MAP4K3: variants seen among roughly 807,000 people sequenced by gnomAD.
The protein encoded by MAP4K3 is mitogen-activated protein kinase kinase kinase kinase 3, also known as MAPK/ERK kinase kinase kinase 3.
MAP4K3 carries 94 observed loss-of-function variants against 143.5 expected under a neutral mutation model. That is an observed-to-expected ratio of 0.65 (90% confidence interval 0.55 to 0.78). The LOEUF is 0.78. MAP4K3 is among the 30% of genes least tolerant of loss of function. The pLI, the probability that MAP4K3 is intolerant of heterozygous loss-of-function variation, is 0.00. For missense variants in MAP4K3, 1,077 were observed against 1,068.1 expected (o/e 1.01, Z -0.12); for synonymous variants, 416 against 347.2 (o/e 1.20, Z -2.20).
intron 3 of MAP4K3, among the ~76,000 whole-genome samples, chr2:39,348,451 A>G (rs1018823572): frequency 2.6e-5 from 4 of 152,310 alleles, no homozygotes; most frequent in Admixed American, 1.3e-4. Context: ...CAAAAGCTTG[A>G]GTAGTCATAG....
chr2:39,303,466 T>C (rs1682585351), intron 15 of MAP4K3, among the ~76,000 whole-genome samples: 1 of 152,116 alleles, frequency 6.6e-6, no homozygotes, highest in Admixed American at 6.5e-5. Context: ...AGGCATACTA[T>C]ATACTTCTTC....
At position 39,293,243 on chromosome 2, in the gene MAP4K3, C is replaced by T; in HGVS notation, c.1204G>A (p.Glu402Lys). 1 of 1,550,040 alleles carries T rather than the reference C, an allele frequency of 6.5e-7. No individual in the cohort carries two copies. Among genetic ancestry groups the T allele is most frequent in the Non-Finnish European group, 8.7e-7 (1 of 1,144,674 alleles). ...NKSLLKSVEE[E>K]LHQRGHVAHL... ...AATTAAAATTACCGCTGATGCAATT[C>T]TTCTTCAACAGACTTGAGAAGACTC... The change falls in exon 17 of 34, where the codon GAA becomes AAA. Residue 402 changes from glutamate (E) to lysine (K), a missense_variant. Physicochemically the swap from Glu to Lys is moderately conservative, Grantham distance 56. This residue lies in a region of MAP4K3 where 864 missense variants were observed against 801.2 expected (regional missense o/e 1.08). Coordinates refer to ENST00000263881, the MANE Select transcript of MAP4K3 (RefSeq NM_003618.4).
At chr2:39,340,079 A>C (rs1241974096) in intron 4 of MAP4K3, among the ~76,000 whole-genome samples, 1 of 152,202 alleles carries the variant, frequency 6.6e-6, no homozygotes, top group African/African-American at 2.4e-5. Context: ...AGTTCTTCAA[A>C]GTAAAAGTAA....
At chr2:39,358,509 G>A (rs942281476) in intron 2 of MAP4K3, among the ~76,000 whole-genome samples, 1 of 152,016 alleles carries the variant, frequency 6.6e-6, no homozygotes, top group South Asian at 2.1e-4. Flanking sequence ...GAATGTATTA[G>A]TGGCTTTAGG....
intron 2 of MAP4K3, 50 bp downstream of exon 2, chr2:39,378,016 T>A: frequency 9.6e-7 from 1 of 1,045,940 alleles, no homozygotes; most frequent in Non-Finnish European, 1.5e-6. Context: ...AGCCTTAAGA[T>A]ATCCCATGGC....
At chr2:39,401,694 G>A (rs1026130032) in intron 1 of MAP4K3, among the ~76,000 whole-genome samples, 2 of 152,062 alleles carry the variant, frequency 1.3e-5, no homozygotes, top group Non-Finnish European at 2.9e-5. Flanking sequence ...TCAGCTGCTT[G>A]GGGAGCTTAG....
intron 1 of MAP4K3, among the ~76,000 whole-genome samples, chr2:39,413,162 A>G (rs542799507): frequency 9.2e-5 from 14 of 152,370 alleles, no homozygotes; most frequent in African/African-American, 3.4e-4. Flanking sequence ...GCTTTCATGC[A>G]GTAAAAGTTA....
intron 12 of MAP4K3, among the ~76,000 whole-genome samples, chr2:39,318,148 GA>G (rs1683181271): frequency 6.6e-6 from 1 of 152,100 alleles, no homozygotes; most frequent in African/African-American, 2.4e-5. Flanking sequence ...CTCAGGAGCA[GA>G]AAACCAAATT....
chr2:39,346,952 T>C (rs191743677), intron 3 of MAP4K3, among the ~76,000 whole-genome samples: 10 of 152,158 alleles, frequency 6.6e-5, no homozygotes, highest in African/African-American at 1.2e-4. Context: ...ATAGGTTAGT[T>C]GAATCCTTCC....
chr2:39,339,446 T>G (rs1324158107), intron 4 of MAP4K3, among the ~76,000 whole-genome samples: 2 of 152,190 alleles, frequency 1.3e-5, no homozygotes, highest in African/African-American at 2.4e-5. Context: ...AGTAAGATAC[T>G]TTCCCAGGAG....
At chr2:39,274,113 C>A (rs1300407075) in intron 24 of MAP4K3, among the ~76,000 whole-genome samples, 1 of 151,746 alleles carries the variant, frequency 6.6e-6, no homozygotes, top group East Asian at 1.9e-4. Context: ...AGTAGCAAGA[C>A]AAGACACAAA....
At chr2:39,392,801 G>C (rs1446200673) in intron 1 of MAP4K3, among the ~76,000 whole-genome samples, 2 of 152,146 alleles carry the variant, frequency 1.3e-5, no homozygotes, top group Non-Finnish European at 2.9e-5. Context: ...CTGCTCTCTT[G>C]ATCTTTCGCC....
chr2:39,352,363 T>C (rs887629697), intron 3 of MAP4K3, among the ~76,000 whole-genome samples: 1 of 152,192 alleles, frequency 6.6e-6, no homozygotes, highest in Admixed American at 6.5e-5. Context: ...GAGAGGAATG[T>C]CTCCATTTTC....
chr2:39,363,185 G>C (rs1252168291), intron 2 of MAP4K3, among the ~76,000 whole-genome samples: 1 of 152,090 alleles, frequency 6.6e-6, no homozygotes, highest in Non-Finnish European at 1.5e-5. Context: ...TAAAAGCACA[G>C]GCAACAAAAG....
At position 39,341,513 on chromosome 2, in the gene MAP4K3, C is replaced by T. The variant is rs953991847; in HGVS notation, c.310+1875G>A. Among the ~76,000 whole-genome samples the T allele has an allele frequency of 4.6e-5, 7 of 151,754 alleles. No homozygotes were observed. The South Asian group carries it at 8.3e-4, about 18-fold the overall frequency. ...CTCTACTAAAAATATAAAAATTAGC[C>T]GGTGTGGTGGCAGGAACCTGTAGTC... On this transcript the variant is annotated intron_variant, in intron 4 of 33. Transcript: ENST00000263881.
In MAP4K3 at chr2:39,337,558, G is replaced by A; in HGVS notation, c.334C>T (p.Gln112Ter). The A allele has an allele frequency of 6.2e-7, 1 of 1,611,258 alleles. No homozygotes were observed. The highest frequency in any genetic ancestry group is 8.5e-7 in the Non-Finnish European group (1 of 1,177,980). Residue 112 changes from glutamine to a stop codon, truncating the protein, a stop_gained, in exon 5 of 34, where the codon CAA (glutamine) becomes TAA (stop). Coordinates refer to ENST00000263881, the MANE Select transcript of MAP4K3 (RefSeq NM_003618.4). LOFTEE classifies it high-confidence loss of function. Reference protein sequence around the residue: ...YHVTGPLSELQIAYVSRETLQ... With the variant: ...YHVTGPLSEL Reference sequence around the variant, plus strand: ...GTTTCTCTGCTAACATATGCAATTTGCAGTTCTGACAGAGGTCCAGTTACT... The same window carrying A: ...GTTTCTCTGCTAACATATGCAATTTACAGTTCTGACAGAGGTCCAGTTACT...
chr2:39,256,215 T>A (rs1045319181), intron 31 of MAP4K3, among the ~76,000 whole-genome samples: 1 of 152,236 alleles, frequency 6.6e-6, no homozygotes, highest in Non-Finnish European at 1.5e-5. Context: ...TAGGGTTTTA[T>A]ATTCTATGTA....
intron 2 of MAP4K3, among the ~76,000 whole-genome samples, chr2:39,377,562 G>C (rs116483429): frequency 6.6e-6 from 1 of 152,126 alleles, no homozygotes; most frequent in Non-Finnish European, 1.5e-5. Flanking sequence ...ACAATAAGCT[G>C]CTCAATTTGG....
chr2:39,270,557 C>A (rs1680973153), intron 26 of MAP4K3, among the ~76,000 whole-genome samples: 1 of 152,146 alleles, frequency 6.6e-6, no homozygotes, highest in African/African-American at 2.4e-5. Context: ...AACAACTCTG[C>A]CAGATGAGTA....
Sources: allele counts gnomAD v4.1 joint callset (sites outside exome capture counted in the v4.1 genomes callset), GRCh38; gene constraint gnomAD v4.1.1; regional missense constraint gnomAD v4.1.1; transcripts MANE v1.5; gene names NCBI Gene and HGNC (gene_info 2026-07-23, HGNC 2026-07-21).